Variants in NTRK2 observed in about 807,000 individuals in gnomAD.
NTRK2 encodes the protein neurotrophic receptor tyrosine kinase 2.
Under a neutral mutation model 94.5 loss-of-function variants are expected in NTRK2, and 13 were observed. The ratio of observed to expected loss-of-function variants is 0.14; its 90% CI spans 0.09 to 0.22. NTRK2 has a LOEUF of 0.22. Ranked by LOEUF, NTRK2 falls within the 10% of genes least tolerant of loss-of-function variation. NTRK2 has a pLI of 1.00. For synonymous variants in NTRK2, 372 were observed against 407.4 expected (o/e 0.91, Z 1.05); for missense variants, 639 against 1,071.2 (o/e 0.60, Z 5.63).
At chr9:84,829,490 T>C (rs2073399900) in intron 12 of NTRK2, among the ~76,000 whole-genome samples, 1 of 152,216 alleles carries the variant, frequency 6.6e-6, no homozygotes, top group Non-Finnish European at 1.5e-5. Context: ...CACAACAGCT[T>C]AGAATGGCTT....
chr9:84,762,249 C>T (rs894922185), intron 12 of NTRK2, among the ~76,000 whole-genome samples: 3 of 152,108 alleles, frequency 2.0e-5, no homozygotes, highest in African/African-American at 7.2e-5. Flanking sequence ...TTTGACATTC[C>T]AGCTTGAGAG....
At chr9:84,908,584 T>C (rs1363768666) in intron 14 of NTRK2, among the ~76,000 whole-genome samples, 1 of 152,228 alleles carries the variant, frequency 6.6e-6, no homozygotes, top group Non-Finnish European at 1.5e-5. Context: ...ACATACTCAA[T>C]GCATGGCTGA....
intron 14 of NTRK2, chr9:84,876,806 T>C (rs1273058578): frequency 9.4e-7 from 1 of 1,062,118 alleles, no homozygotes; most frequent in Non-Finnish European, 1.1e-6. Flanking sequence ...AAGGCTAGCC[T>C]TTCTTTTCCA....
At chr9:84,963,150 T>A (rs758809097) in intron 17 of NTRK2, among the ~76,000 whole-genome samples, 16 of 152,224 alleles carry the variant, frequency 1.1e-4, no homozygotes, top group Non-Finnish European at 1.9e-4. Context: ...CAGATTGTTT[T>A]TTCCTGCACA....
chr9:84,972,830 A>C (rs1297728681), intron 17 of NTRK2, among the ~76,000 whole-genome samples: 1 of 152,212 alleles, frequency 6.6e-6, no homozygotes, highest in African/African-American at 2.4e-5. Context: ...AAGCAATCAT[A>C]TTCTCATTTC....
At chr9:84,728,052 C>T in intron 9 of NTRK2, 93 bp downstream of exon 9, 1 of 1,192,450 alleles carries the variant, frequency 8.4e-7, no homozygotes. Context: ...ATCCCCCAAC[C>T]TAGTGGCTTA....
intron 17 of NTRK2, among the ~76,000 whole-genome samples, chr9:84,991,762 AG>A (rs996115658): frequency 2.0e-5 from 3 of 152,206 alleles, no homozygotes; most frequent in Non-Finnish European, 4.4e-5. Flanking sequence ...ATTAGTATGC[AG>A]GGCCAGTGCC....
chr9:84,874,811 G>A, intron 14 of NTRK2: 1 of 1,058,134 alleles, frequency 9.5e-7, no homozygotes. Context: ...AGAATGCTGA[G>A]GCAGTTCCTG....
chr9:84,994,846 A>G lies in NTRK2; in HGVS notation c.2173-25360A>G, dbSNP rs183289106. Among the ~76,000 whole-genome samples the G allele has an allele frequency of 4.7e-3, 713 of 152,340 alleles. 3 individuals are homozygous for G. The highest frequency in any genetic ancestry group is 0.01 in the Middle Eastern group (3 of 294). On this transcript the variant is annotated intron_variant, in intron 17 of 18. Coordinates refer to ENST00000277120, the MANE Select transcript of NTRK2 (RefSeq NM_006180.6). ...AAATCTGCTGAACATTGAAGAGAAC[A>G]TGGAATTAAAGAGTTCCTGCCCAAT... is the stretch of plus-strand genomic sequence containing the variant.
rs2076004777 is a variant in NTRK2, at chr9:84,874,781, G to A, written c.1633+7350G>A. On this transcript the variant is annotated intron_variant, in intron 14 of 18. Transcript: ENST00000277120. ...TGAATCCATTCTGCCCTTTGTTTGG[G>A]TTTGCTTCCTGTCAGTGAGAGAATG... The A allele has an allele frequency of 3.8e-6, 4 of 1,058,854 alleles. No individual in the cohort carries two copies. The African/African-American group carries it at 6.6e-5, about 17-fold the overall frequency. 65.6% of individuals were successfully genotyped at this position (1,058,854 alleles called of 1,614,324 possible). A position where few individuals can be genotyped will look rare whatever the true frequency, so the allele number is the denominator to read the frequency against.
intron 14 of NTRK2, chr9:84,877,691 G>T (rs773474100): frequency 1.1e-5 from 12 of 1,062,568 alleles, no homozygotes; most frequent in Non-Finnish European, 1.4e-5. Flanking sequence ...TTCATGCAAG[G>T]GAGCGGACCT....
chr9:84,719,896 C>T (rs1455267688), intron 6 of NTRK2, among the ~76,000 whole-genome samples: 1 of 151,388 alleles, frequency 6.6e-6, no homozygotes, highest in East Asian at 2.0e-4. Flanking sequence ...GGTGTGTGCC[C>T]ATTATCCCAG....
At chr9:84,842,823 T>C (rs146563250) in intron 12 of NTRK2, among the ~76,000 whole-genome samples, 5 of 152,314 alleles carry the variant, frequency 3.3e-5, no homozygotes, top group African/African-American at 1.2e-4. Flanking sequence ...TTAGAGCCAA[T>C]GCAAAGGCCT....
In NTRK2 at chr9:85,023,147, T is replaced by C. The variant is rs1384375859; in HGVS notation, c.*1710T>C. On this transcript the variant is annotated 3_prime_UTR_variant, in exon 19 of 19. Coordinates refer to ENST00000277120, the MANE Select transcript of NTRK2 (RefSeq NM_006180.6). ...GTCATTGGTTTTGCAAAAAGAGGGC[T>C]CAAATTTAAATAGAAATTTACAGCT... 1 of 232,956 alleles carries C rather than the reference T, an allele frequency of 4.3e-6. No individual in the cohort carries two copies. Among genetic ancestry groups the C allele is most frequent in the Non-Finnish European group, 8.5e-6 (1 of 117,910 alleles). 14.4% of individuals were successfully genotyped at this position (232,956 alleles called of 1,614,324 possible).
At chr9:84,730,402 C>G (rs1206598577) in intron 9 of NTRK2, among the ~76,000 whole-genome samples, 11 of 152,052 alleles carry the variant, frequency 7.2e-5, no homozygotes, top group Admixed American at 7.2e-4. Context: ...CAGACAATGA[C>G]CTTTCTTAGA....
At chr9:84,691,309 G>T (rs903737000) in intron 2 of NTRK2, among the ~76,000 whole-genome samples, 3 of 152,194 alleles carry the variant, frequency 2.0e-5, no homozygotes, top group African/African-American at 7.2e-5. Context: ...TGGAGGAAGT[G>T]ACAAGGACAT....
Position 85,025,481 on chromosome 9 carries a change from T to C in NTRK2, c.*4044T>C, listed in dbSNP as rs1341602983. On this transcript the variant is annotated 3_prime_UTR_variant, in exon 19 of 19. Transcript: ENST00000277120. ...GCAACTCTTAGGAATTCCCACATCC[T>C]AGAGTGAATGCACCAACTAACAGTA... The C allele has an allele frequency of 4.3e-6, 1 of 233,104 alleles. No homozygotes were observed. Among genetic ancestry groups the C allele is most frequent in the African/African-American group, 2.2e-5 (1 of 45,356 alleles). 14.4% of individuals were successfully genotyped at this position (233,104 alleles called of 1,614,324 possible).
chr9:84,981,473 A>G (rs370514670), intron 17 of NTRK2, among the ~76,000 whole-genome samples: 39 of 152,082 alleles, frequency 2.6e-4, no homozygotes, highest in African/African-American at 9.2e-4. Flanking sequence ...ACATGTATAC[A>G]TATTTGTGTA....
intron 12 of NTRK2, among the ~76,000 whole-genome samples, chr9:84,847,465 G>A (rs554042278): frequency 2.0e-5 from 3 of 152,272 alleles, no homozygotes; most frequent in African/African-American, 7.2e-5. Context: ...CTGTGGCCAG[G>A]ATCCATCTTT....
Sources: allele counts gnomAD v4.1 joint callset (sites outside exome capture counted in the v4.1 genomes callset), GRCh38; gene constraint gnomAD v4.1.1; transcripts MANE v1.5; gene names NCBI Gene and HGNC (gene_info 2026-07-23, HGNC 2026-07-21).